DIP2A: variants seen among roughly 807,000 people sequenced by gnomAD.
The protein encoded by DIP2A is disco-interacting protein 2 homolog A.
Under a neutral mutation model 177.4 loss-of-function variants are expected in DIP2A, and 85 were observed. That is an observed-to-expected ratio of 0.48 (90% confidence interval 0.40 to 0.57). The LOEUF (loss-of-function observed/expected upper bound fraction) is 0.57. Ranked by LOEUF, DIP2A falls within the 20% of genes least tolerant of loss-of-function variation. DIP2A has a pLI of 0.00. For missense variants in DIP2A, 1,791 were observed against 2,100.2 expected (o/e 0.85, Z 2.88); for synonymous variants, 886 against 881.8 (o/e 1.00, Z -0.08).
chr21:46,514,592 C>T (rs1292442701), intron 8 of DIP2A, among the ~76,000 whole-genome samples: 2 of 121,434 alleles, frequency 1.6e-5, no homozygotes, highest in African/African-American at 6.1e-5. Context: ...GTTATTTTGT[C>T]CTTTCCAATA....
chr21:46,534,512 C>G, intron 12 of DIP2A, 73 bp from the exon 13 acceptor site: 3 of 1,393,920 alleles, frequency 2.2e-6, no homozygotes, highest in Non-Finnish European at 3.0e-6. Context: ...TTTGAAGATT[C>G]TACCAGTTTC....
chr21:46,476,326 A>G (rs1285889419), intron 1 of DIP2A, among the ~76,000 whole-genome samples: 1 of 152,154 alleles, frequency 6.6e-6, no homozygotes, highest in Non-Finnish European at 1.5e-5. Context: ...ATTATCTTAT[A>G]TGGTTATACC....
At chr21:46,545,351 G>A in intron 19 of DIP2A, 78 bp downstream of exon 19, 1 of 1,506,532 alleles carries the variant, frequency 6.6e-7, no homozygotes, top group Non-Finnish European at 9.0e-7. Flanking sequence ...GCTGGGTGCT[G>A]GGGGATTGCA....
At chr21:46,530,230 G>A (rs973552168) in intron 9 of DIP2A, among the ~76,000 whole-genome samples, 2 of 152,172 alleles carry the variant, frequency 1.3e-5, no homozygotes, top group East Asian at 3.9e-4. Context: ...CTAGTGAGAA[G>A]GTCACCTGTG....
intron 20 of DIP2A, 68 bp from the exon 21 acceptor site, chr21:46,546,847 A>T: frequency 6.3e-7 from 1 of 1,578,604 alleles, no homozygotes; most frequent in South Asian, 1.1e-5. Context: ...GGGGGGCCTG[A>T]CCATGGTCCT....
At chr21:46,562,635 G>T (rs1383399945) in intron 34 of DIP2A, among the ~76,000 whole-genome samples, 1 of 152,234 alleles carries the variant, frequency 6.6e-6, no homozygotes, top group Non-Finnish European at 1.5e-5. Context: ...CGAGGTGGGA[G>T]CTACAGGGAG....
intron 18 of DIP2A, among the ~76,000 whole-genome samples, chr21:46,543,469 G>T (rs2059903176): frequency 6.6e-6 from 1 of 150,854 alleles, no homozygotes; most frequent in African/African-American, 2.4e-5. Flanking sequence ...CACCAGACGT[G>T]CATGCAGCGC....
intron 1 of DIP2A, chr21:46,469,417 A>G (rs2055155231): frequency 6.6e-6 from 1 of 152,256 alleles, no homozygotes; most frequent in South Asian, 2.1e-4. Context: ...TTAAGTGACC[A>G]GAAAGAAAAA....
intron 1 of DIP2A, 69 bp from the exon 2 acceptor site, chr21:46,484,688 A>G: frequency 3.7e-6 from 5 of 1,346,612 alleles, no homozygotes; most frequent in Non-Finnish European, 5.1e-6. Context: ...TCAATCATAA[A>G]TTGATGTTTA....
chr21:46,570,608 T>C (rs954807759), downstream of DIP2A, among the ~76,000 whole-genome samples: 1 of 152,232 alleles, frequency 6.6e-6, no homozygotes, highest in African/African-American at 2.4e-5. Context: ...TTATGCAAAC[T>C]GGTTATTGTG....
At chr21:46,495,385 C>T (rs1215787847) in intron 3 of DIP2A, among the ~76,000 whole-genome samples, 4 of 151,886 alleles carry the variant, frequency 2.6e-5, no homozygotes, top group Non-Finnish European at 5.9e-5. Flanking sequence ...TTTCCTGCCT[C>T]AGCCTCTCAA....
intron 9 of DIP2A, among the ~76,000 whole-genome samples, chr21:46,531,283 G>A (rs1327650460): frequency 6.6e-6 from 1 of 152,124 alleles, no homozygotes; most frequent in Non-Finnish European, 1.5e-5. Flanking sequence ...TGAGTGGGTG[G>A]TTATTTGGAA....
chr21:46,477,201 G>A (rs1481091768), intron 1 of DIP2A, among the ~76,000 whole-genome samples: 2 of 152,010 alleles, frequency 1.3e-5, no homozygotes, highest in Non-Finnish European at 2.9e-5. Context: ...GTAAGTCAAG[G>A]AAGCACGTGC....
intron 2 of DIP2A, 150 bp downstream of exon 2, chr21:46,484,978 C>T (rs1050042807): frequency 2.0e-5 from 13 of 662,866 alleles, no homozygotes; most frequent in South Asian, 8.6e-5. Flanking sequence ...GACAGGGTCT[C>T]GCTGTGTTGC....
intron 2 of DIP2A, among the ~76,000 whole-genome samples, chr21:46,489,395 G>C (rs867959083): frequency 1.3e-5 from 2 of 152,204 alleles, no homozygotes; most frequent in Non-Finnish European, 2.9e-5. Context: ...CACAGCTGTG[G>C]CTGTTGGGGT....
intron 35 of DIP2A, among the ~76,000 whole-genome samples, chr21:46,565,243 C>A (rs2148921828): frequency 6.6e-6 from 1 of 152,374 alleles, no homozygotes; most frequent in South Asian, 2.1e-4. Flanking sequence ...GACGCACACA[C>A]ACGCGCGTGG....
chr21:46,522,638 C>CT (rs1271336076), intron 8 of DIP2A, among the ~76,000 whole-genome samples: 3 of 152,328 alleles, frequency 2.0e-5, no homozygotes, highest in Middle Eastern at 3.4e-3. Flanking sequence ...CTGCCATTAG[C>CT]TACCCCCAAA....
intron 34 of DIP2A, among the ~76,000 whole-genome samples, chr21:46,562,825 G>A (rs34599663): frequency 0.25 from 38,564 of 151,990 alleles, 5,444 homozygotes; most frequent in Admixed American, 0.32. Context: ...TGTGGGAGCC[G>A]TGGGCTGCTG....
chr21:46,464,152 G>A (rs185990307), intron 1 of DIP2A, among the ~76,000 whole-genome samples: 340 of 151,920 alleles, frequency 2.2e-3, no homozygotes, highest in Admixed American at 3.4e-3. Flanking sequence ...CCAGCACTTT[G>A]GGAGGCTGAG....
Sources: allele counts gnomAD v4.1 joint callset (sites outside exome capture counted in the v4.1 genomes callset), GRCh38; gene constraint gnomAD v4.1.1; transcripts MANE v1.5; gene names NCBI Gene and HGNC (gene_info 2026-07-23, HGNC 2026-07-21).